ATAD2B: variants seen among roughly 807,000 people sequenced by gnomAD.
The protein encoded by ATAD2B is ATPase family AAA domain containing 2B, also known as ATPase family AAA domain-containing protein 2B.
Under a neutral mutation model 167.6 loss-of-function variants are expected in ATAD2B, and 40 were observed. That is an observed-to-expected ratio of 0.24 (90% CI 0.19 to 0.31). The LOEUF (loss-of-function observed/expected upper bound fraction) is 0.31, where lower values mean the gene tolerates loss of function less well. Ranked by LOEUF, ATAD2B falls within the 10% of genes least tolerant of loss-of-function variation. The pLI, the probability that ATAD2B is intolerant of heterozygous loss-of-function variation, is 1.00. For missense variants in ATAD2B, 1,242 were observed against 1,757.2 expected (o/e 0.71, Z 5.24); for synonymous variants, 579 against 596.5 (o/e 0.97, Z 0.43).
the ATAD2B span, among the ~76,000 whole-genome samples, chr2:23,682,658 C>A: frequency 1.4e-3 from 215 of 152,252 alleles, no homozygotes; most frequent in Non-Finnish European, 2.9e-3. The surrounding 1 kb of genome is among the most constrained non-coding windows in gnomAD (Gnocchi z 4.1). Flanking sequence ...GCACCTGCCC[C>A]CTCGTGCTCC....
the ATAD2B span, chr2:23,689,859 G>T: frequency 6.6e-6 from 1 of 152,286 alleles, no homozygotes; most frequent in Admixed American, 6.5e-5. Flanking sequence ...CAAAGCCACC[G>T]AGGTATGGAA....
chr2:23,870,930 C>CA (rs1207388086), intron 8 of ATAD2B, among the ~76,000 whole-genome samples: 1 of 152,028 alleles, frequency 6.6e-6, no homozygotes, highest in African/African-American at 2.4e-5. Context: ...TAATGAATGC[C>CA]AGATTATTAG....
intron 6 of ATAD2B, among the ~76,000 whole-genome samples, 156 bp downstream of exon 6, chr2:23,884,609 T>G (rs1435504664): frequency 1.3e-5 from 2 of 152,174 alleles, no homozygotes; most frequent in African/African-American, 4.8e-5. Flanking sequence ...GAAACTCAGA[T>G]TGCCAACTGA....
At chr2:23,874,615 ATTGT>A (rs1216052180) in intron 8 of ATAD2B, among the ~76,000 whole-genome samples, 1 of 151,644 alleles carries the variant, frequency 6.6e-6, no homozygotes, top group Non-Finnish European at 1.5e-5. Flanking sequence ...AGGTGGGAGG[ATTGT>A]TTGAGTCCAG....
the ATAD2B span, chr2:23,695,891 A>G: frequency 2.0e-6 from 3 of 1,535,782 alleles, no homozygotes; most frequent in African/African-American, 4.1e-5. This position sits in a 1 kb window ranked among gnomAD's most constrained non-coding sequence, Gnocchi z 7.6. Context: ...GTGAGGTGCC[A>G]GGCACAGATG....
At chr2:23,824,665 T>C (rs1687972679) in intron 15 of ATAD2B, among the ~76,000 whole-genome samples, 1 of 152,230 alleles carries the variant, frequency 6.6e-6, no homozygotes, top group African/African-American at 2.4e-5. Context: ...TATTATTTAT[T>C]ACCCATGTTT....
intron 17 of ATAD2B, among the ~76,000 whole-genome samples, chr2:23,816,802 T>A (rs1686521278): frequency 6.6e-6 from 1 of 152,146 alleles, no homozygotes; most frequent in African/African-American, 2.4e-5. Flanking sequence ...TAATATAAAG[T>A]AAGAAAGAAA....
At chr2:23,811,067 T>C (rs1199292644) in intron 17 of ATAD2B, 2 of 152,826 alleles carry the variant, frequency 1.3e-5, no homozygotes, top group Non-Finnish European at 2.9e-5. Flanking sequence ...ATAAATCCAC[T>C]TTAAAATAAA....
the ATAD2B span, among the ~76,000 whole-genome samples, chr2:23,727,028 GTTAGA>G: frequency 1.3e-5 from 2 of 151,976 alleles, no homozygotes; most frequent in Non-Finnish European, 2.9e-5. Flanking sequence ...AAAACAGATT[GTTAGA>G]TTAGATTTTT....
intron 22 of ATAD2B, among the ~76,000 whole-genome samples, chr2:23,779,690 G>A (rs996645659): frequency 2.7e-5 from 4 of 150,246 alleles, no homozygotes; most frequent in Non-Finnish European, 4.4e-5. Flanking sequence ...TCCAACAATC[G>A]GGTATTAGCT....
chr2:23,823,500 G>C lies in ATAD2B; in HGVS notation c.1889C>G (p.Pro630Arg). 1 of 1,613,794 alleles carries C rather than the reference G, an allele frequency of 6.2e-7. No homozygotes were observed. Residue 630 changes from proline (P) to arginine (R), a missense_variant, in exon 16 of 28, where the codon CCC becomes CGC. By Grantham distance (103) the Pro-to-Arg change is moderately radical. This residue lies in a region of ATAD2B where 151 missense variants were observed against 284.1 expected (regional missense o/e 0.53). Coordinates refer to ENST00000238789, the MANE Select transcript of ATAD2B (RefSeq NM_017552.4). ...AALIALRRRY[P>R]QIYASSHKLQ... ...TTTATGACTGCTAGCATAGATCTGG[G>C]GATAACGCCTCCGCAGTGCAATCAG... is the stretch of plus-strand genomic sequence containing the variant.
intron 18 of ATAD2B, among the ~76,000 whole-genome samples, chr2:23,807,969 T>A (rs1306338041): frequency 8.7e-6 from 1 of 114,526 alleles, no homozygotes; most frequent in South Asian, 2.5e-4. Flanking sequence ...AATATATATA[T>A]TATAAATATA....
intron 1 of ATAD2B, among the ~76,000 whole-genome samples, 194 bp downstream of exon 1, chr2:23,926,361 G>A (rs1704816208): frequency 6.6e-6 from 1 of 152,148 alleles, no homozygotes; most frequent in African/African-American, 2.4e-5. Context: ...AAAGAGCCGG[G>A]CCAGCTTGAA....
chr2:23,740,536 T>C, the ATAD2B span, among the ~76,000 whole-genome samples: 1 of 152,088 alleles, frequency 6.6e-6, no homozygotes, highest in African/African-American at 2.4e-5. Context: ...AAATTAGGTA[T>C]TGATGGGACG....
chr2:23,863,275 C>T (rs1694690286), intron 12 of ATAD2B, 106 bp downstream of exon 12: 2 of 1,117,330 alleles, frequency 1.8e-6, no homozygotes, highest in East Asian at 2.6e-5. Context: ...CGCTATTGCA[C>T]TCACTCCAGC....
chr2:23,853,403 G>A (rs773866678), intron 13 of ATAD2B, among the ~76,000 whole-genome samples: 3 of 152,172 alleles, frequency 2.0e-5, no homozygotes, highest in Non-Finnish European at 4.4e-5. Context: ...AAACTCAGTT[G>A]TATTTTTATA....
At chr2:23,852,187 G>A (rs1692674202) in intron 13 of ATAD2B, among the ~76,000 whole-genome samples, 2 of 152,118 alleles carry the variant, frequency 1.3e-5, no homozygotes, top group East Asian at 1.9e-4. Context: ...CAAAACTCCA[G>A]GCCCAGGTAT....
At chr2:23,917,328 G>A (rs1703186868) in intron 1 of ATAD2B, among the ~76,000 whole-genome samples, 1 of 152,178 alleles carries the variant, frequency 6.6e-6, no homozygotes, top group Non-Finnish European at 1.5e-5. Flanking sequence ...TTGGGTCCTA[G>A]AATACAGATA....
At chr2:23,768,853 G>C (rs1677856594) in intron 22 of ATAD2B, among the ~76,000 whole-genome samples, 2 of 152,102 alleles carry the variant, frequency 1.3e-5, no homozygotes, top group Non-Finnish European at 2.9e-5. Flanking sequence ...TTATTTGTTA[G>C]TGCTGAATAC....
Sources: allele counts gnomAD v4.1 joint callset (sites outside exome capture counted in the v4.1 genomes callset), GRCh38; gene constraint gnomAD v4.1.1; regional missense constraint gnomAD v4.1.1; non-coding constraint Gnocchi (gnomAD v3.1); transcripts MANE v1.5; gene names NCBI Gene and HGNC (gene_info 2026-07-23, HGNC 2026-07-21).